Variants in IFT43 observed in about 807,000 individuals in gnomAD.
IFT43 encodes intraflagellar transport protein 43 homolog.
In IFT43, 33 loss-of-function variants were observed where a neutral mutation model predicts 32.3. That is an observed-to-expected ratio of 1.02 (90% CI 0.77 to 1.37). The LOEUF is 1.37. IFT43 is among the 40% of genes most tolerant of loss of function. The pLI is 0.00. For missense variants in IFT43, 274 were observed against 265.9 expected (o/e 1.03, Z -0.21); for synonymous variants, 93 against 98.2 (o/e 0.95, Z 0.31).
At chr14:76,060,727 A>G (rs2037115305) in intron 5 of IFT43, among the ~76,000 whole-genome samples, 1 of 152,158 alleles carries the variant, frequency 6.6e-6, no homozygotes, top group Non-Finnish European at 1.5e-5. Context: ...TACCAGACAC[A>G]GAATTCTAGG....
intron 3 of IFT43, among the ~76,000 whole-genome samples, chr14:76,036,336 TTTCC>T (rs926965443): frequency 7.3e-5 from 11 of 150,842 alleles, no homozygotes; most frequent in Non-Finnish European, 1.5e-4. Flanking sequence ...TCCTTCCTTC[TTTCC>T]TTCCTTCCTT....
At chr14:75,986,667 G>T (rs918256494) in intron 1 of IFT43, among the ~76,000 whole-genome samples, 9 of 152,156 alleles carry the variant, frequency 5.9e-5, no homozygotes, top group African/African-American at 2.2e-4. Flanking sequence ...AAATAATGGA[G>T]CTAGATTCAA....
intron 2 of IFT43, among the ~76,000 whole-genome samples, chr14:75,992,954 T>C (rs553473641): frequency 6.6e-6 from 1 of 152,326 alleles, no homozygotes; most frequent in South Asian, 2.1e-4. Flanking sequence ...TGTCATACAT[T>C]AGCTTCTGTG....
At chr14:76,078,278 T>G (rs973250049) in intron 5 of IFT43, among the ~76,000 whole-genome samples, 7 of 152,246 alleles carry the variant, frequency 4.6e-5, no homozygotes, top group African/African-American at 1.7e-4. Flanking sequence ...GCATTTGAAT[T>G]TATTACTACC....
chr14:76,058,408 C>T, intron 3 of IFT43: 3 of 473,514 alleles, frequency 6.3e-6, no homozygotes, highest in South Asian at 2.1e-5. Flanking sequence ...CCTGCACTTA[C>T]ACTCTCAACA....
At chr14:76,000,262 CTTTTT>C (rs35001298) in intron 2 of IFT43, among the ~76,000 whole-genome samples, 51 of 115,538 alleles carry the variant, frequency 4.4e-4, no homozygotes, top group African/African-American at 1.5e-3. Flanking sequence ...TAACTGGCTT[CTTTTT>C]TTTTTTTTTT....
At chr14:76,042,017 G>C (rs1470560811) in intron 3 of IFT43, among the ~76,000 whole-genome samples, 4 of 152,054 alleles carry the variant, frequency 2.6e-5, no homozygotes, top group Non-Finnish European at 5.9e-5. Flanking sequence ...TTCATCCTCA[G>C]AAACAGATTC....
chr14:76,032,220 G>T (rs2139985027), intron 3 of IFT43, among the ~76,000 whole-genome samples: 1 of 152,226 alleles, frequency 6.6e-6, no homozygotes, highest in Non-Finnish European at 1.5e-5. Flanking sequence ...TAGGTCTACT[G>T]TTGAAATACA....
Position 76,022,339 on chromosome 14 carries a change from A to G in IFT43, c.160A>G (p.Lys54Glu). Residue 54 changes from lysine to glutamate, a missense_variant, in exon 3 of 9, where the codon AAA (lysine) becomes GAA (glutamate). Transcript: ENST00000314067. ...TCTTTCCTTGTAGACTTCCTCTGCTAAATTACCTCGCTGCCGACAGGGAGG... is the reference window on the plus strand; with the variant it reads ...TCTTTCCTTGTAGACTTCCTCTGCTGAATTACCTCGCTGCCGACAGGGAGG... ...LTLTGETSSAKLPRCRQGGWA... is the reference protein window; with the variant it reads ...LTLTGETSSAELPRCRQGGWA... The G allele has an allele frequency of 6.2e-7, 1 of 1,613,550 alleles. No homozygotes were observed. The highest frequency in any genetic ancestry group is 8.5e-7 in the Non-Finnish European group (1 of 1,179,460).
chr14:75,995,348 G>A (rs2035723562), intron 2 of IFT43, among the ~76,000 whole-genome samples: 1 of 152,154 alleles, frequency 6.6e-6, no homozygotes, highest in African/African-American at 2.4e-5. Context: ...GGTCCTTTTG[G>A]AATGGGAGTA....
rs1365469768 is a variant in IFT43, at chr14:76,058,674, A to G, written c.248A>G (p.Asp83Gly). ...FRRKASEEIE[D>G]FRLRPQSLNG... ...AGGAAGGCTTCTGAAGAAATAGAAG[A>G]GTACGTTTCCAGTATTCTTATTCTT... Residue 83 changes from aspartate (D) to glycine (G), a missense_variant and splice_region_variant, in exon 4 of 9, where the codon GAT becomes GGT. Coordinates refer to ENST00000314067, the MANE Select transcript of IFT43 (RefSeq NM_001102564.3). 6.2e-7 allele frequency: 1 copy of G among 1,611,772 alleles called. No homozygotes were observed. The highest frequency in any genetic ancestry group is 1.3e-5 in the African/African-American group (1 of 74,630).
chr14:75,995,812 C>T (rs991446852), intron 2 of IFT43, among the ~76,000 whole-genome samples: 1 of 152,198 alleles, frequency 6.6e-6, no homozygotes, highest in African/African-American at 2.4e-5. Context: ...AAGAGGGATG[C>T]AGGGAATTTG....
intron 3 of IFT43, among the ~76,000 whole-genome samples, chr14:76,034,882 G>A (rs981053030): frequency 6.6e-6 from 1 of 152,234 alleles, no homozygotes; most frequent in African/African-American, 2.4e-5. Flanking sequence ...TGGCTCTGAA[G>A]TTGCCCGAGG....
intron 3 of IFT43, among the ~76,000 whole-genome samples, chr14:76,039,683 T>C (rs562095659): frequency 9.1e-4 from 138 of 152,280 alleles, no homozygotes; most frequent in Non-Finnish European, 1.3e-3. Flanking sequence ...AGAAACATAG[T>C]ATAGAATTCA....
chr14:76,020,031 G>A (rs770988883), intron 2 of IFT43, among the ~76,000 whole-genome samples: 9 of 151,824 alleles, frequency 5.9e-5, no homozygotes, highest in Non-Finnish European at 1.2e-4. Flanking sequence ...CTGGAGTATA[G>A]TGGCGCAATC....
intron 5 of IFT43, among the ~76,000 whole-genome samples, chr14:76,069,412 A>G (rs1417248082): frequency 6.6e-6 from 1 of 152,178 alleles, no homozygotes; most frequent in Non-Finnish European, 1.5e-5. Flanking sequence ...AGACTCCTAG[A>G]GAGGAGAGGA....
chr14:76,011,694 T>G (rs898880999), intron 2 of IFT43, among the ~76,000 whole-genome samples: 2 of 152,182 alleles, frequency 1.3e-5, no homozygotes, highest in Non-Finnish European at 2.9e-5. Flanking sequence ...CCATTTCAGC[T>G]TGAGAGAACT....
chr14:76,046,397 G>A (rs1315555728), intron 3 of IFT43, among the ~76,000 whole-genome samples: 2 of 152,116 alleles, frequency 1.3e-5, no homozygotes, highest in Admixed American at 6.5e-5. Flanking sequence ...GGGTGGCCTG[G>A]ATAGGTTCAG....
chr14:76,056,155 T>C (rs1594850920), intron 3 of IFT43, among the ~76,000 whole-genome samples: 1 of 152,318 alleles, frequency 6.6e-6, no homozygotes, highest in East Asian at 1.9e-4. Flanking sequence ...GGCTGGGAAG[T>C]GGCCAGTGTT....
Sources: gnomAD v4.1 joint callset for allele counts (sites outside exome capture counted in the v4.1 genomes callset) on GRCh38, gnomAD v4.1.1 for gene constraint, MANE v1.5 for transcripts, NCBI Gene and HGNC (gene_info 2026-07-23, HGNC 2026-07-21) for gene names.